The following AFM variants were observed in gnomAD, a reference collection of about 807,000 sequenced individuals.
AFM encodes alpha-Alb.
AFM carries 82 observed loss-of-function variants against 68.7 expected under a neutral mutation model. That is an observed-to-expected ratio of 1.19 (90% CI 1.00 to 1.43). The LOEUF (loss-of-function observed/expected upper bound fraction) is 1.43, where lower values mean the gene tolerates loss of function less well. Ranked by LOEUF, AFM falls within the 40% of genes most tolerant of loss-of-function variation. The pLI is 0.00. For missense variants in AFM, 772 were observed against 701.8 expected (o/e 1.10, Z -1.13); for synonymous variants, 250 against 234.2 (o/e 1.07, Z -0.61).
At chr4:73,502,351 G>A (rs924174820) in intron 13 of AFM, among the ~76,000 whole-genome samples, 1 of 152,184 alleles carries the variant, frequency 6.6e-6, no homozygotes, top group Non-Finnish European at 1.5e-5. Flanking sequence ...AGAAAGTGAA[G>A]TCTTTCAGGA....
intron 7 of AFM, among the ~76,000 whole-genome samples, chr4:73,490,687 G>A (rs892770760): frequency 6.6e-6 from 1 of 152,130 alleles, no homozygotes; most frequent in Non-Finnish European, 1.5e-5. Flanking sequence ...TATAATTATA[G>A]ATTTTCTGTG....
chr4:73,498,965 C>A, intron 10 of AFM, 149 bp from the exon 11 acceptor site: 1 of 632,132 alleles, frequency 1.6e-6, no homozygotes, highest in Non-Finnish European at 2.4e-6. Flanking sequence ...GAAGTAAAGA[C>A]ATATTTCTCT....
intron 8 of AFM, among the ~76,000 whole-genome samples, chr4:73,493,300 C>T (rs1416230983): frequency 5.3e-5 from 8 of 152,176 alleles, no homozygotes; most frequent in Admixed American, 3.3e-4. Flanking sequence ...TTAGAAACCT[C>T]ATCTGAAGAA....
At chr4:73,484,472 TTC>T (rs747012007) in intron 3 of AFM, 82 bp downstream of exon 3, 71 of 570,398 alleles carry the variant, frequency 1.2e-4, no homozygotes, top group Middle Eastern at 3.5e-4. Flanking sequence ...CTTTCTTTCT[TTC>T]TTTCTTTCTT....
At chr4:73,493,413 A>G (rs1721153427) in intron 8 of AFM, among the ~76,000 whole-genome samples, 1 of 152,208 alleles carries the variant, frequency 6.6e-6, no homozygotes, top group African/African-American at 2.4e-5. Flanking sequence ...GTATGAGCAC[A>G]TTGACTTTGA....
At chr4:73,487,446 A>G (rs1303190361) in intron 5 of AFM, among the ~76,000 whole-genome samples, 2 of 152,168 alleles carry the variant, frequency 1.3e-5, no homozygotes, top group African/African-American at 2.4e-5. Flanking sequence ...GTATAATCTC[A>G]GTAGGGATGG....
At chr4:73,499,049 C>T (rs1183874964) in intron 10 of AFM, 65 bp from the exon 11 acceptor site, 5 of 1,550,576 alleles carry the variant, frequency 3.2e-6, no homozygotes, top group East Asian at 2.3e-5. Context: ...TGGGCTTCAG[C>T]AGTAATTCAA....
Position 73,503,020 on chromosome 4 carries a change from A to G in AFM, c.1780-30A>G, listed in dbSNP as rs762657769. 2.5e-6 allele frequency: 4 copies of G among 1,609,616 alleles called. No homozygotes were observed. In the Admixed American group the frequency reaches 5.0e-5, roughly 20 times the overall value. On this transcript the variant is annotated intron_variant, in intron 13 of 14. Transcript: ENST00000226355. ...ACTAGTGTCTTAAATTTTTCTTCCT[A>G]TGTGTTTTTATTTCCATCCCTCACC...
At chr4:73,491,140 T>C (rs776966976) in intron 7 of AFM, among the ~76,000 whole-genome samples, 1 of 152,084 alleles carries the variant, frequency 6.6e-6, no homozygotes, top group Non-Finnish European at 1.5e-5. Context: ...CCCAGAACAG[T>C]TTTTAAAAAT....
At chr4:73,483,037 C>T (rs957159618) in intron 1 of AFM, among the ~76,000 whole-genome samples, 61 of 152,166 alleles carry the variant, frequency 4.0e-4, no homozygotes, top group Middle Eastern at 3.4e-3. Context: ...TCTTTGTGAC[C>T]CACTTTCTCA....
intron 1 of AFM, 37 bp downstream of exon 1, chr4:73,481,900 C>T: frequency 2.2e-6 from 3 of 1,341,268 alleles, no homozygotes; most frequent in Non-Finnish European, 3.1e-6. Flanking sequence ...AAAGCATGAC[C>T]AGTTAGGATA....
At position 73,486,936 on chromosome 4, in the gene AFM, G is replaced by A. The variant is rs192659517; in HGVS notation, c.483-31G>A. The A allele has an allele frequency of 2.0e-5, 31 of 1,583,848 alleles. 1 individual carries two copies. The highest frequency in any genetic ancestry group is 6.9e-5 in the South Asian group (6 of 86,624). Reference sequence around the variant, plus strand: ...TTGCTTCCTGTTTCTTCCCTCACCCGTCTTCTCTCTTTCATTTTTATTTTT... The same window carrying A: ...TTGCTTCCTGTTTCTTCCCTCACCCATCTTCTCTCTTTCATTTTTATTTTT... On this transcript the variant is annotated intron_variant, in intron 4 of 14. Coordinates refer to ENST00000226355, the MANE Select transcript of AFM (RefSeq NM_001133.2).
At chr4:73,484,486 C>T (rs1485947273) in intron 3 of AFM, 96 bp downstream of exon 3, 1 of 746,412 alleles carries the variant, frequency 1.3e-6, no homozygotes. Flanking sequence ...TTCTTTCTTT[C>T]TTTCTTTCTT....
Position 73,488,778 on chromosome 4 carries a change from C to G in AFM, c.843+19C>G. On this transcript the variant is annotated intron_variant, in intron 7 of 14. Transcript: ENST00000226355. The stretch of plus-strand genomic sequence containing the variant: ...TGACACGGTGAATATTCTCTAAAAC[C>G]AAGTTAAAATAGTGATTTTTGGCAA... 6.3e-7 allele frequency: 1 copy of G among 1,590,046 alleles called. No homozygotes were observed. The highest frequency in any genetic ancestry group is 8.5e-7 in the Non-Finnish European group (1 of 1,172,262).
intron 9 of AFM, among the ~76,000 whole-genome samples, chr4:73,497,259 T>C (rs1451543344): frequency 1.3e-5 from 2 of 152,168 alleles, no homozygotes; most frequent in African/African-American, 2.4e-5. Context: ...CTAGCTGGGG[T>C]ATTCTGGGTA....
chr4:73,484,936 T>A (rs1720849905), intron 3 of AFM, among the ~76,000 whole-genome samples: 1 of 152,204 alleles, frequency 6.6e-6, no homozygotes, highest in Non-Finnish European at 1.5e-5. Flanking sequence ...GCGCAGCATT[T>A]TCATTTTGCT....
chr4:73,495,567 C>A, intron 9 of AFM, 135 bp downstream of exon 9: 3 of 1,124,638 alleles, frequency 2.7e-6, no homozygotes, highest in Admixed American at 3.0e-5. Flanking sequence ...GTAGATTCAG[C>A]CTAAGAAGAT....
In AFM at chr4:73,487,792, G is replaced by A; in HGVS notation, c.684G>A (p.Leu228=). Residue 228 remains leucine (L), a synonymous_variant, in exon 6 of 15, where the codon TTG becomes TTA. Transcript: ENST00000226355. ...SYQKHVCGAL[L]KFGTKVVHFI... is the part of the protein sequence containing the mutation. ...AAAAACATGTCTGTGGGGCACTTTT[G>A]AAATTTGGAACCAAAGTTGTACACT... 6.2e-7 allele frequency: 1 copy of A among 1,611,882 alleles called. No individual in the cohort carries two copies. The highest frequency in any genetic ancestry group is 8.5e-7 in the Non-Finnish European group (1 of 1,178,212).
Position 73,484,410 on chromosome 4 carries a change from T to C in AFM, c.270+20T>C. ...TTACCTGTAAGTAAATTGCTTGTGTTTCTTTTCCTTTTATCTTATGTCTTT... is the reference window on the plus strand; with the variant it reads ...TTACCTGTAAGTAAATTGCTTGTGTCTCTTTTCCTTTTATCTTATGTCTTT... On this transcript the variant is annotated intron_variant, in intron 3 of 14. Transcript: ENST00000226355. 6.7e-7 allele frequency: 1 copy of C among 1,492,670 alleles called. No homozygotes were observed. 92.5% of individuals were successfully genotyped at this position (1,492,670 alleles called of 1,614,324 possible). A position where few individuals can be genotyped will look rare whatever the true frequency, so the allele number is the denominator to read the frequency against.
Sources: gnomAD v4.1 joint callset for allele counts (sites outside exome capture counted in the v4.1 genomes callset) on GRCh38, gnomAD v4.1.1 for gene constraint, MANE v1.5 for transcripts, NCBI Gene and HGNC (gene_info 2026-07-23, HGNC 2026-07-21) for gene names.